The following CLTCL1 variants were observed in gnomAD, a reference collection of about 807,000 sequenced individuals.
The protein encoded by CLTCL1 is clathrin heavy chain 2.
CLTCL1 carries 159 observed loss-of-function variants against 190.0 expected under a neutral mutation model. The ratio of observed to expected loss-of-function variants is 0.84; its 90% CI spans 0.74 to 0.95. The LOEUF is 0.95. Ranked by LOEUF, CLTCL1 falls within the 40% of genes least tolerant of loss-of-function variation. The pLI, the probability that CLTCL1 is intolerant of heterozygous loss-of-function variation, is 0.00. For synonymous variants in CLTCL1, 752 were observed against 769.6 expected, an observed-to-expected ratio of 0.98 and a Z score of 0.38; for missense variants, 1,878 against 2,033.4, an observed-to-expected ratio of 0.92 and a Z score of 1.47.
At chr22:19,247,352 A>G (rs2086449074) in intron 3 of CLTCL1, among the ~76,000 whole-genome samples, 1 of 152,216 alleles carries the variant, frequency 6.6e-6, no homozygotes, top group Non-Finnish European at 1.5e-5. Context: ...CCATTGGTCT[A>G]CATGTCTATT....
At chr22:19,193,625 C>T (rs1296353517) in intron 26 of CLTCL1, among the ~76,000 whole-genome samples, 2 of 152,198 alleles carry the variant, frequency 1.3e-5, no homozygotes, top group Admixed American at 1.3e-4. Flanking sequence ...AATCCCAGCA[C>T]TTTGGGAGGC....
chr22:19,221,451 A>G lies in CLTCL1; in HGVS notation c.2722T>C (p.Tyr908His). The G allele has an allele frequency of 3.8e-6, 6 of 1,578,218 alleles. No individual in the cohort carries two copies. Among genetic ancestry groups the G allele is most frequent in the Non-Finnish European group, 2.6e-6 (3 of 1,161,600 alleles). ...AGATGGGGGTCTCGCTTCTCACAGTAGCGGCCCACCACGCTGCTGTCATAG... is the reference window on the plus strand; with the variant it reads ...AGATGGGGGTCTCGCTTCTCACAGTGGCGGCCCACCACGCTGCTGTCATAG... ...AYYDSSVVGR[Y>H]CEKRDPHLAC... is the part of the protein sequence containing the mutation. Residue 908 changes from tyrosine (Y) to histidine (H), a missense_variant, in exon 17 of 33, where the codon TAC becomes CAC. Physicochemically the swap from Tyr to His is moderately conservative, Grantham distance 83 (BLOSUM62 2). Transcript: ENST00000427926.
chr22:19,234,725 T>G lies in CLTCL1; in HGVS notation c.970-19A>C. 1 of 1,607,842 alleles carries G rather than the reference T, an allele frequency of 6.2e-7. No individual in the cohort carries two copies. The highest frequency in any genetic ancestry group is 8.5e-7 in the Non-Finnish European group (1 of 1,174,690). ...ACAGTACCTGTAAGGACACAACAAG[T>G]GAGAGCAGCCCGGCCTAGAAGAGTG... On this transcript the variant is annotated intron_variant, in intron 6 of 32. Coordinates refer to ENST00000427926, the MANE Select transcript of CLTCL1 (RefSeq NM_007098.4).
chr22:19,194,111 G>A (rs1005662387), intron 26 of CLTCL1, among the ~76,000 whole-genome samples: 3 of 152,186 alleles, frequency 2.0e-5, no homozygotes, highest in East Asian at 3.9e-4. Context: ...TGATTGGTAC[G>A]TTTTTTACAG....
intron 2 of CLTCL1, among the ~76,000 whole-genome samples, chr22:19,268,058 G>A (rs1218097980): frequency 1.3e-5 from 2 of 151,938 alleles, no homozygotes; most frequent in Non-Finnish European, 2.9e-5. Flanking sequence ...AATGTTTTTT[G>A]TTCTCTCCAA....
At chr22:19,191,670 C>T (rs2084510481) in intron 26 of CLTCL1, among the ~76,000 whole-genome samples, 1 of 152,224 alleles carries the variant, frequency 6.6e-6, no homozygotes, top group Non-Finnish European at 1.5e-5. Context: ...TGCCTCAACC[C>T]AGCACCTAGA....
intron 18 of CLTCL1, among the ~76,000 whole-genome samples, chr22:19,217,963 G>A (rs565839563): frequency 6.6e-6 from 1 of 152,182 alleles, no homozygotes; most frequent in South Asian, 2.1e-4. Flanking sequence ...GTCAATACAG[G>A]ATGCCCCACC....
chr22:19,248,783 C>T (rs2086498509), intron 3 of CLTCL1, among the ~76,000 whole-genome samples: 1 of 152,148 alleles, frequency 6.6e-6, no homozygotes, highest in African/African-American at 2.4e-5. Flanking sequence ...ATCCTGACCA[C>T]AGGGTGATCT....
chr22:19,237,255 G>A (rs1263520946), intron 5 of CLTCL1, among the ~76,000 whole-genome samples: 5 of 151,996 alleles, frequency 3.3e-5, no homozygotes, highest in East Asian at 3.9e-4. Flanking sequence ...CAGGAAGATC[G>A]CTCGAGGCCA....
At chr22:19,193,896 G>A (rs1174762046) in intron 26 of CLTCL1, among the ~76,000 whole-genome samples, 4 of 152,228 alleles carry the variant, frequency 2.6e-5, no homozygotes, top group African/African-American at 9.6e-5. Flanking sequence ...CTCAATGAGT[G>A]AGCAGCAGCA....
intron 18 of CLTCL1, among the ~76,000 whole-genome samples, chr22:19,217,471 C>A (rs1483908425): frequency 3.3e-5 from 5 of 152,024 alleles, no homozygotes; most frequent in African/African-American, 1.2e-4. Context: ...AAAAAAGTAG[C>A]CGGGCGTGGT....
At chr22:19,211,314 G>A (rs2085212909) in intron 19 of CLTCL1, among the ~76,000 whole-genome samples, 1 of 152,176 alleles carries the variant, frequency 6.6e-6, no homozygotes, top group South Asian at 2.1e-4. Context: ...AAGTAACAGA[G>A]TCTGGACACT....
intron 3 of CLTCL1, among the ~76,000 whole-genome samples, chr22:19,252,580 T>C (rs933178603): frequency 3.3e-5 from 5 of 152,172 alleles, no homozygotes; most frequent in South Asian, 2.1e-4. Context: ...CCTTAATTAC[T>C]AGAATTGTGC....
chr22:19,246,161 G>A (rs1194961935), intron 3 of CLTCL1, among the ~76,000 whole-genome samples: 1 of 152,046 alleles, frequency 6.6e-6, no homozygotes, highest in African/African-American at 2.4e-5. Flanking sequence ...CCGGGTTCAC[G>A]CAATTCTCCT....
intron 3 of CLTCL1, among the ~76,000 whole-genome samples, chr22:19,249,484 G>A (rs1367579166): frequency 6.6e-6 from 1 of 152,122 alleles, no homozygotes; most frequent in Non-Finnish European, 1.5e-5. Context: ...ATAACCTTGA[G>A]TAGTTTGAGA....
chr22:19,239,318 A>C lies in CLTCL1; in HGVS notation c.752T>G (p.Phe251Cys). ...ATCATTCTGTGCCTCTGGAGGAAAAAACACATCTACTGCTTTCTTTACAAA... is the reference window on the plus strand; with the variant it reads ...ATCATTCTGTGCCTCTGGAGGAAAACACACATCTACTGCTTTCTTTACAAA... ...QPFVKKAVDV[F>C]FPPEAQNDFP... The change falls in exon 5 of 33, where the codon TTT (phenylalanine) becomes TGT (cysteine). Residue 251 changes from phenylalanine (F) to cysteine (C), a missense_variant. By Grantham distance (205) the Phe-to-Cys change is radical. Coordinates refer to ENST00000427926, the MANE Select transcript of CLTCL1 (RefSeq NM_007098.4). 1 of 1,613,950 alleles carries C rather than the reference A, an allele frequency of 6.2e-7. No individual in the cohort carries two copies.
intron 2 of CLTCL1, among the ~76,000 whole-genome samples, chr22:19,267,523 C>T (rs1273602599): frequency 6.6e-6 from 1 of 152,172 alleles, no homozygotes; most frequent in Non-Finnish European, 1.5e-5. Context: ...TTGAAAAACA[C>T]TAAGTTGGAG....
intron 20 of CLTCL1, among the ~76,000 whole-genome samples, chr22:19,209,930 G>A (rs556347522): frequency 6.6e-6 from 1 of 152,240 alleles, no homozygotes; most frequent in Admixed American, 6.5e-5. Flanking sequence ...CTGAGGAGAT[G>A]GGGGAATGGG....
In CLTCL1 at chr22:19,235,741, T is replaced by C. The variant is rs1317443042; in HGVS notation, c.924A>G (p.Pro308=). The C allele has an allele frequency of 8.7e-6, 14 of 1,613,916 alleles. 1 individual carries two copies. In the African/African-American group the frequency reaches 1.5e-4, roughly 17 times the overall value. Residue 308 remains proline (P), a synonymous_variant, in exon 6 of 33, where the codon CCA becomes CCG. Transcript: ENST00000427926. ...ISADTIFVTA[P]HKPTSGIIGV... ...CAATAATTCCAGAGGTTGGTTTGTG[T>C]GGAGCAGTGACAAATATTGTGTCAG...
Sources: gnomAD v4.1 joint callset for allele counts (sites outside exome capture counted in the v4.1 genomes callset) on GRCh38, gnomAD v4.1.1 for gene constraint, MANE v1.5 for transcripts, NCBI Gene and HGNC (gene_info 2026-07-23, HGNC 2026-07-21) for gene names.